Variants in EYS observed in about 807,000 individuals in gnomAD.
EYS encodes EGF-like photoreceptor maintenance factor, also known as protein eyes shut homolog.
In EYS, 250 loss-of-function variants were observed where a neutral mutation model predicts 282.1. The observed-to-expected ratio is 0.89, with a 90% confidence interval of 0.80 to 0.98. EYS has a LOEUF of 0.98. Ranked by LOEUF, EYS falls within the 50% of genes least tolerant of loss-of-function variation. The probability of loss-of-function intolerance (pLI) is 0.00; values close to 1 mark genes in which losing one functional copy is unlikely to be tolerated. For synonymous variants in EYS, 1,355 were observed against 1,282.9 expected (o/e 1.06, Z -1.20); for missense variants, 4,016 against 3,709.0 (o/e 1.08, Z -2.15).
chr6:63,865,938 A>G (rs575452271), intron 35 of EYS, among the ~76,000 whole-genome samples: 40 of 152,294 alleles, frequency 2.6e-4, no homozygotes, highest in Non-Finnish European at 4.3e-4. Context: ...AGATTTTGCC[A>G]ACTCATAAGG....
intron 2 of EYS, among the ~76,000 whole-genome samples, chr6:65,533,599 T>TG (rs1344755871): frequency 6.6e-6 from 1 of 151,984 alleles, no homozygotes; most frequent in African/African-American, 2.4e-5. Context: ...AGATGTGAAT[T>TG]GGGGGAGATG....
chr6:64,311,159 C>T (rs1769684992), intron 29 of EYS, among the ~76,000 whole-genome samples: 1 of 151,990 alleles, frequency 6.6e-6, no homozygotes, highest in Non-Finnish European at 1.5e-5. Context: ...AACTCTAAAG[C>T]ACATGGTTTT....
At chr6:64,768,150 TTAAAC>T (rs1424923533) in intron 22 of EYS, among the ~76,000 whole-genome samples, 1 of 152,128 alleles carries the variant, frequency 6.6e-6, no homozygotes. Flanking sequence ...TAGCAATGTA[TTAAAC>T]TATTCTGTTT....
At chr6:64,746,002 A>G (rs1772544673) in intron 22 of EYS, among the ~76,000 whole-genome samples, 1 of 152,148 alleles carries the variant, frequency 6.6e-6, no homozygotes, top group Non-Finnish European at 1.5e-5. Flanking sequence ...CACTGCTGGG[A>G]TATAAGAAGA....
intron 41 of EYS, among the ~76,000 whole-genome samples, chr6:63,740,264 G>A (rs137890794): frequency 1.6e-3 from 247 of 152,266 alleles, no homozygotes; most frequent in African/African-American, 5.6e-3. Context: ...GTGCTGTTCT[G>A]ATAGTGAATA....
chr6:65,544,466 C>G (rs1299166348), intron 2 of EYS, among the ~76,000 whole-genome samples: 1 of 152,036 alleles, frequency 6.6e-6, no homozygotes, highest in Admixed American at 6.6e-5. Flanking sequence ...TTTCATGATA[C>G]TGGGTGAGTT....
intron 12 of EYS, among the ~76,000 whole-genome samples, chr6:65,136,232 G>A (rs911204699): frequency 1.3e-5 from 2 of 151,906 alleles, no homozygotes; most frequent in Non-Finnish European, 2.9e-5. Context: ...GCCATAGAGG[G>A]ATATGTGTAA....
chr6:64,006,172 A>G (rs770603811), intron 33 of EYS, among the ~76,000 whole-genome samples: 1 of 152,008 alleles, frequency 6.6e-6, no homozygotes, highest in Non-Finnish European at 1.5e-5. Flanking sequence ...TTCTCCTTGT[A>G]GGGATCTTTT....
intron 31 of EYS, among the ~76,000 whole-genome samples, chr6:64,086,137 G>A (rs1371880795): frequency 2.0e-5 from 3 of 152,086 alleles, no homozygotes; most frequent in African/African-American, 7.2e-5. Flanking sequence ...TACATCTGCT[G>A]CTCCTTCAGT....
chr6:64,376,083 T>G (rs976650205), intron 29 of EYS, among the ~76,000 whole-genome samples: 1 of 152,088 alleles, frequency 6.6e-6, no homozygotes, highest in African/African-American at 2.4e-5. Context: ...ATAAGAAAGA[T>G]CTATCATTTC....
At chr6:65,046,804 C>CAA (rs1188364405) in intron 13 of EYS, among the ~76,000 whole-genome samples, 2 of 151,916 alleles carry the variant, frequency 1.3e-5, no homozygotes, top group East Asian at 3.9e-4. Flanking sequence ...GTTGAATTCT[C>CAA]AAAGTTGGGG....
chr6:63,954,362 T>C (rs1222718324), intron 35 of EYS, among the ~76,000 whole-genome samples: 2 of 152,196 alleles, frequency 1.3e-5, no homozygotes, highest in Non-Finnish European at 2.9e-5. Context: ...CAAGCTGAAC[T>C]CATTGCCTTA....
intron 8 of EYS, among the ~76,000 whole-genome samples, chr6:65,382,471 G>GTGTGTC (rs1554190289): frequency 2.0e-5 from 3 of 149,276 alleles, no homozygotes; most frequent in African/African-American, 7.4e-5. Context: ...GTGTGTGTGT[G>GTGTGTC]TGTGTGTGTG....
At chr6:65,662,722 A>G (rs941749900) in intron 1 of EYS, among the ~76,000 whole-genome samples, 1 of 152,180 alleles carries the variant, frequency 6.6e-6, no homozygotes, top group African/African-American at 2.4e-5. Flanking sequence ...GCTCTGTTAT[A>G]AACACTAAAA....
chr6:64,848,374 G>A (rs1481126011), intron 19 of EYS, among the ~76,000 whole-genome samples: 1 of 152,000 alleles, frequency 6.6e-6, no homozygotes, highest in Middle Eastern at 3.4e-3. Context: ...CTCTTGAATT[G>A]CAGAATAGGT....
intron 28 of EYS, among the ~76,000 whole-genome samples, chr6:64,397,107 C>A (rs570428975): frequency 2.2e-4 from 33 of 151,898 alleles, no homozygotes; most frequent in Admixed American, 1.6e-3. Context: ...AATTAAATAT[C>A]TCTTTCTTTC....
chr6:64,512,256 T>C (rs550344107), intron 26 of EYS, among the ~76,000 whole-genome samples: 4 of 152,080 alleles, frequency 2.6e-5, no homozygotes, highest in Non-Finnish European at 5.9e-5. Context: ...AGTTAGAATA[T>C]ATTTCATTAT....
chr6:64,134,393 T>A (rs1003112964), intron 31 of EYS, among the ~76,000 whole-genome samples: 3 of 151,238 alleles, frequency 2.0e-5, no homozygotes, highest in Non-Finnish European at 4.4e-5. Context: ...AAAAAAAAAA[T>A]TAATAATAGC....
chr6:65,509,025 A>C (rs9363381), intron 2 of EYS, among the ~76,000 whole-genome samples: 61,262 of 152,052 alleles, frequency 0.4, 13,515 homozygotes, highest in East Asian at 0.57. Context: ...ACATGAATAC[A>C]TAAAGTGTAT....
Sources: gnomAD v4.1 joint callset for allele counts (sites outside exome capture counted in the v4.1 genomes callset) on GRCh38, gnomAD v4.1.1 for gene constraint, MANE v1.5 for transcripts, NCBI Gene and HGNC (gene_info 2026-07-23, HGNC 2026-07-21) for gene names.